CIROZ: variants seen among roughly 807,000 people sequenced by gnomAD.
The protein encoded by CIROZ is ciliated left-right organizer ZP-N domains-containing protein.
chr1:10,980,434 C>A, the CIROZ span, among the ~76,000 whole-genome samples: 24 of 152,358 alleles, frequency 1.6e-4, no homozygotes, highest in South Asian at 4.6e-3. Flanking sequence ...GAGCCCAATG[C>A]GGAATTCCTC....
chr1:10,952,523 T>G, the CIROZ span, among the ~76,000 whole-genome samples: 2 of 152,130 alleles, frequency 1.3e-5, no homozygotes, highest in South Asian at 2.1e-4. Context: ...TTTTTTGGTG[T>G]TGTTTTTTGG....
At chr1:10,956,777 G>A in the CIROZ span, among the ~76,000 whole-genome samples, 3 of 151,916 alleles carry the variant, frequency 2.0e-5, no homozygotes, top group South Asian at 2.1e-4. Context: ...GCGCCCGGCC[G>A]ATGATTTTAC....
chr1:10,958,840 A>G, the CIROZ span: 10 of 1,379,512 alleles, frequency 7.2e-6, no homozygotes, highest in Middle Eastern at 2.0e-4. Context: ...AGCACCGGCA[A>G]TTACCCCAGC....
the CIROZ span, chr1:10,948,219 C>T: frequency 6.2e-7 from 1 of 1,613,938 alleles, no homozygotes; most frequent in Admixed American, 1.7e-5. Context: ...GTCCATGTGC[C>T]CCCTGGCCCC....
the CIROZ span, among the ~76,000 whole-genome samples, chr1:10,961,669 C>A: frequency 1.4e-4 from 22 of 152,162 alleles, no homozygotes; most frequent in Non-Finnish European, 2.9e-4. Context: ...TGGGGCCAGG[C>A]GCGGCAGCTC....
At chr1:10,947,559 G>T in the CIROZ span, 2 of 998,568 alleles carry the variant, frequency 2.0e-6, no homozygotes, top group Non-Finnish European at 2.7e-6. Context: ...TGGAAAGACG[G>T]CCCCCAGCCC....
the CIROZ span, chr1:10,954,056 C>T: frequency 1.9e-4 from 306 of 1,613,724 alleles, 2 homozygotes; most frequent in East Asian, 3.1e-3. Flanking sequence ...TCCAGAGGAC[C>T]GGGGCAGCCA....
At chr1:10,955,011 C>T in the CIROZ span, 110 of 1,604,930 alleles carry the variant, frequency 6.9e-5, no homozygotes, top group Middle Eastern at 2.0e-4. Context: ...GCACCCCGGC[C>T]GCCGGAATGC....
chr1:10,947,702 T>C, the CIROZ span: 37 of 1,538,780 alleles, frequency 2.4e-5, no homozygotes, highest in Non-Finnish European at 3.2e-5. Flanking sequence ...CCACACTGTC[T>C]TGAAGCTCAG....
the CIROZ span, chr1:10,948,044 C>T: frequency 9.9e-6 from 16 of 1,613,186 alleles, no homozygotes; most frequent in African/African-American, 5.3e-5. Context: ...CTGCCAGGGG[C>T]GCTGCCAGCC....
At chr1:10,959,723 A>G in the CIROZ span, among the ~76,000 whole-genome samples, 1 of 152,306 alleles carries the variant, frequency 6.6e-6, no homozygotes, top group East Asian at 1.9e-4. This position sits in a 1 kb window ranked among gnomAD's most constrained non-coding sequence, Gnocchi z 4.3. Flanking sequence ...CAGAAGCAGA[A>G]AGGAGTGGGT....
chr1:10,948,290 T>C, the CIROZ span: 1 of 1,613,822 alleles, frequency 6.2e-7, no homozygotes, highest in Non-Finnish European at 8.5e-7. Flanking sequence ...CAGAGCACGT[T>C]TCCTGGGGCT....
At chr1:10,951,745 A>AAAAATATATATATATATATAT in the CIROZ span, among the ~76,000 whole-genome samples, 7 of 119,206 alleles carry the variant, frequency 5.9e-5, no homozygotes, top group African/African-American at 2.5e-4. Context: ...AAAAAAAAAA[A>AAAAATATATATATATATATAT]ATATATATAT....
the CIROZ span, among the ~76,000 whole-genome samples, chr1:10,976,994 T>C: frequency 0.36 from 55,068 of 151,214 alleles, 12,914 homozygotes; most frequent in African/African-American, 0.67. Context: ...CCTGTCTCTA[T>C]TAAAACTATA....
the CIROZ span, among the ~76,000 whole-genome samples, chr1:10,981,691 A>T: frequency 6.6e-6 from 1 of 152,144 alleles, no homozygotes; most frequent in Non-Finnish European, 1.5e-5. Context: ...GTTTTGTTTT[A>T]AGGACCCTCT....
At chr1:10,974,192 T>C in the CIROZ span, among the ~76,000 whole-genome samples, 3 of 151,792 alleles carry the variant, frequency 2.0e-5, no homozygotes, top group Non-Finnish European at 4.4e-5. This position sits in a 1 kb window ranked among gnomAD's most constrained non-coding sequence, Gnocchi z 4.4. Context: ...TGGACTGGAG[T>C]AGGGACTCGT....
the CIROZ span, chr1:10,976,382 C>T: frequency 1.5e-6 from 1 of 680,330 alleles, no homozygotes; most frequent in Non-Finnish European, 2.4e-6. Context: ...GTCACCCTGG[C>T]TGGAGTGCAG....
the CIROZ span, among the ~76,000 whole-genome samples, chr1:10,973,771 A>G: frequency 6.6e-6 from 1 of 152,048 alleles, no homozygotes; most frequent in Non-Finnish European, 1.5e-5. Context: ...AGCAGGCAGG[A>G]GCCCCACCCT....
the CIROZ span, among the ~76,000 whole-genome samples, chr1:10,960,926 C>T: frequency 7.1e-6 from 1 of 141,212 alleles, no homozygotes; most frequent in East Asian, 2.4e-4. This position sits in a 1 kb window ranked among gnomAD's most constrained non-coding sequence, Gnocchi z 4.6. Flanking sequence ...GGAGGGGAGG[C>T]GGGGGCAGCA....
Sources: gnomAD v4.1 joint callset for allele counts (sites outside exome capture counted in the v4.1 genomes callset) on GRCh38, gnomAD v4.1.1 for gene constraint, Gnocchi (gnomAD v3.1) non-coding constraint, MANE v1.5 for transcripts, NCBI Gene and HGNC (gene_info 2026-07-23, HGNC 2026-07-21) for gene names.